Variants in PCDHGB4 observed in about 807,000 individuals in gnomAD.
The protein encoded by PCDHGB4 is protocadherin gamma-B4.
PCDHGB4 carries 38 observed loss-of-function variants against 60.5 expected under a neutral mutation model. The observed-to-expected ratio is 0.63, with a 90% CI of 0.48 to 0.82. The LOEUF is 0.82. Among genes scored for constraint, PCDHGB4 ranks in the 40% least tolerant of loss-of-function variants. The pLI, the probability that PCDHGB4 is intolerant of heterozygous loss-of-function variation, is 0.00. For missense variants in PCDHGB4, 1,109 were observed against 1,209.6 expected (o/e 0.92, Z 1.23); for synonymous variants, 456 against 509.7 (o/e 0.89, Z 1.42).
In PCDHGB4 at chr5:141,414,949, G is replaced by A. The variant is rs774769957; in HGVS notation, c.2397+24668G>A. On this transcript the variant is annotated intron_variant, in intron 1 of 3. Transcript: ENST00000519479. ...CCGCTCCGCAGAGCCCGGCTACCTGGTGACCAAGGTGGTGGCGGTGGACAG... is the reference window on the plus strand; with the variant it reads ...CCGCTCCGCAGAGCCCGGCTACCTGATGACCAAGGTGGTGGCGGTGGACAG... The A allele has an allele frequency of 8.1e-6, 13 of 1,614,096 alleles. 1 individual carries two copies. The South Asian group carries it at 1.4e-4, about 18-fold the overall frequency.
At chr5:141,507,852 T>C (rs556569001) in intron 3 of PCDHGB4, among the ~76,000 whole-genome samples, 25 of 152,118 alleles carry the variant, frequency 1.6e-4, no homozygotes, top group Non-Finnish European at 2.6e-4. Context: ...CTGCTCTCAC[T>C]TTCACACCCG....
At chr5:141,426,726 G>A (rs916323483) in intron 1 of PCDHGB4, 2 of 448,052 alleles carry the variant, frequency 4.5e-6, no homozygotes, top group South Asian at 1.6e-5. Flanking sequence ...AGCAATTCCA[G>A]GCATTCGGTT....
At chr5:141,394,690 T>A (rs745602076) in intron 1 of PCDHGB4, 1 of 1,610,768 alleles carries the variant, frequency 6.2e-7, no homozygotes, top group East Asian at 2.2e-5. Flanking sequence ...ACGGGCGAGG[T>A]GCGCACGGCG....
chr5:141,462,652 A>T (rs201168659), intron 1 of PCDHGB4, among the ~76,000 whole-genome samples: 1 of 80,348 alleles, frequency 1.2e-5, no homozygotes, highest in African/African-American at 7.4e-5. Flanking sequence ...TTCCATCCTC[A>T]ATTATCTTCA....
At chr5:141,405,491 C>T (rs1399017717) in intron 1 of PCDHGB4, 1 of 858,762 alleles carries the variant, frequency 1.2e-6, no homozygotes, top group East Asian at 2.7e-5. Flanking sequence ...GTGATCTCGG[C>T]TCATTGCAAC....
intron 1 of PCDHGB4, among the ~76,000 whole-genome samples, chr5:141,449,708 A>G (rs2098652470): frequency 6.6e-6 from 1 of 151,418 alleles, no homozygotes; most frequent in African/African-American, 2.4e-5. Context: ...CAAACACATT[A>G]TTTTTATATG....
intron 1 of PCDHGB4, among the ~76,000 whole-genome samples, chr5:141,437,390 A>T (rs1422429346): frequency 6.6e-6 from 1 of 152,248 alleles, no homozygotes; most frequent in Non-Finnish European, 1.5e-5. Flanking sequence ...ACATTCATCC[A>T]CTGCTTTCAT....
intron 1 of PCDHGB4, among the ~76,000 whole-genome samples, chr5:141,438,835 A>T (rs1591550617): frequency 6.7e-6 from 1 of 149,784 alleles, no homozygotes; most frequent in African/African-American, 2.5e-5. Flanking sequence ...CTAATTTTTT[A>T]AAATATTTTT....
At position 141,490,632 on chromosome 5, in the gene PCDHGB4, A is replaced by C; in HGVS notation, c.2398-4175A>C. Reference sequence around the variant, plus strand: ...AGCAGCTTTACACTGCTTACATCCTAGAAAACCGGCCTCCGGGCTCCCTTC... The same window carrying C: ...AGCAGCTTTACACTGCTTACATCCTCGAAAACCGGCCTCCGGGCTCCCTTC... On this transcript the variant is annotated intron_variant, in intron 1 of 3. Transcript: ENST00000519479. This position sits in a 1 kb window ranked among gnomAD's most constrained non-coding sequence, Gnocchi z 5.4. The C allele has an allele frequency of 1.2e-6, 2 of 1,614,196 alleles. No individual in the cohort carries two copies. Among genetic ancestry groups the C allele is most frequent in the South Asian group, 1.1e-5 (1 of 91,088 alleles).
intron 1 of PCDHGB4, chr5:141,421,453 T>G: frequency 1.2e-6 from 2 of 1,614,102 alleles, no homozygotes; most frequent in Middle Eastern, 1.6e-4. Context: ...GACACAGCTT[T>G]TCGCTGTGAA....
Position 141,430,800 on chromosome 5 carries a change from T to C in PCDHGB4, c.2397+40519T>C, listed in dbSNP as rs770490590. 2.6e-6 allele frequency: 4 copies of C among 1,524,818 alleles called. No homozygotes were observed. In the South Asian group the frequency reaches 5.3e-5, roughly 20 times the overall value. 94.5% of individuals were successfully genotyped at this position (1,524,818 alleles called of 1,614,324 possible). A position where few individuals can be genotyped will look rare whatever the true frequency, so the allele number is the denominator to read the frequency against. ...CTGCACCGGGACTACAAAGGGCTTG[T>C]CCTGCTGGGAATCCTCCTGGGGACT... is the stretch of plus-strand genomic sequence containing the variant. On this transcript the variant is annotated intron_variant, in intron 1 of 3. Transcript: ENST00000519479.
intron 1 of PCDHGB4, chr5:141,440,642 A>G (rs1351979857): frequency 6.6e-6 from 1 of 152,234 alleles, no homozygotes; most frequent in African/African-American, 2.4e-5. Context: ...AATTCCTTAC[A>G]AAATTATCAC....
chr5:141,445,363 T>C (rs186841717), intron 1 of PCDHGB4, among the ~76,000 whole-genome samples: 9 of 152,284 alleles, frequency 5.9e-5, no homozygotes. Context: ...CCAAGTCTGG[T>C]CCTGGGTGGT....
Position 141,504,006 on chromosome 5 carries a change from G to C in PCDHGB4, c.2457-1387G>C, listed in dbSNP as rs138738950. Among the ~76,000 whole-genome samples, 1,431 of 152,182 alleles carry C rather than the reference G, an allele frequency of 9.4e-3. 31 individuals are homozygous for C. The highest frequency in any genetic ancestry group is 0.033 in the African/African-American group (1,367 of 41,490). On this transcript the variant is annotated intron_variant, in intron 2 of 3. Coordinates refer to ENST00000519479, the MANE Select transcript of PCDHGB4 (RefSeq NM_003736.4). The stretch of plus-strand genomic sequence containing the variant: ...CTTCTTACCTTACAGTCACTTAACT[G>C]TCTCTGCTGGTCTCTTCCCACTCAT...
chr5:141,401,083 C>T (rs2094110284), intron 1 of PCDHGB4, among the ~76,000 whole-genome samples: 1 of 152,176 alleles, frequency 6.6e-6, no homozygotes, highest in Admixed American at 6.5e-5. Context: ...GTGGCTCATG[C>T]CTGTAATCCC....
chr5:141,486,162 T>G lies in PCDHGB4; in HGVS notation c.2398-8645T>G, dbSNP rs763023343. ...GCTCGCGATGGGGGTTCTCCAGCCA[T>G]GGAGCAACATTGCAGCCTTCGAGTG... On this transcript the variant is annotated intron_variant, in intron 1 of 3. Coordinates refer to ENST00000519479, the MANE Select transcript of PCDHGB4 (RefSeq NM_003736.4). The surrounding 1 kb of genome is among the most constrained non-coding windows in gnomAD (Gnocchi z 5.0). The G allele has an allele frequency of 6.2e-7, 1 of 1,614,170 alleles. No individual in the cohort carries two copies. Among genetic ancestry groups the G allele is most frequent in the Non-Finnish European group, 8.5e-7 (1 of 1,180,026 alleles).
Position 141,490,241 on chromosome 5 carries a change from G to T in PCDHGB4, c.2398-4566G>T. 2 of 1,614,246 alleles carry T rather than the reference G, an allele frequency of 1.2e-6. No individual in the cohort carries two copies. Among genetic ancestry groups the T allele is most frequent in the Non-Finnish European group, 1.7e-6 (2 of 1,180,048 alleles). On this transcript the variant is annotated intron_variant, in intron 1 of 3. Transcript: ENST00000519479. This position sits in a 1 kb window ranked among gnomAD's most constrained non-coding sequence, Gnocchi z 5.4. Reference sequence around the variant, plus strand: ...GGACAGCCTGCCATGGAGGGCCACTGTGTGATTCAAGTGGATGTGGGGGAT... The same window carrying T: ...GGACAGCCTGCCATGGAGGGCCACTTTGTGATTCAAGTGGATGTGGGGGAT...
At chr5:141,423,712 T>C (rs1231796741) in intron 1 of PCDHGB4, 2 of 1,313,518 alleles carry the variant, frequency 1.5e-6, no homozygotes, top group Admixed American at 3.2e-5. Flanking sequence ...CACAAGTCTT[T>C]TAAGGAGATG....
rs1192987646 is a variant in PCDHGB4, at chr5:141,423,758, G to A, written c.2397+33477G>A. Reference sequence around the variant, plus strand: ...CTGTTATGAAAACTGTTTGGGGGGGGGGTGGGGCGGCATATATTTAGTTCA... The same window carrying A: ...CTGTTATGAAAACTGTTTGGGGGGGAGGTGGGGCGGCATATATTTAGTTCA... On this transcript the variant is annotated intron_variant, in intron 1 of 3. Coordinates refer to ENST00000519479, the MANE Select transcript of PCDHGB4 (RefSeq NM_003736.4). 8.2e-5 allele frequency: 30 copies of A among 366,770 alleles called. 3 individuals are homozygous for A. Among genetic ancestry groups the A allele is most frequent in the Non-Finnish European group, 1.1e-4 (29 of 259,742 alleles). The allele number at this position is 366,770 out of a possible 1,614,324, so 22.7% of individuals were successfully genotyped here.
Sources: allele counts gnomAD v4.1 joint callset (sites outside exome capture counted in the v4.1 genomes callset), GRCh38; gene constraint gnomAD v4.1.1; non-coding constraint Gnocchi (gnomAD v3.1); transcripts MANE v1.5; gene names NCBI Gene and HGNC (gene_info 2026-07-23, HGNC 2026-07-21).